Variants in ARHGAP4 observed in about 807,000 individuals in gnomAD.
ARHGAP4 encodes rho GTPase-activating protein 4.
ARHGAP4 carries 25 observed loss-of-function variants against 67.6 expected under a neutral mutation model. That is an observed-to-expected ratio of 0.37 (90% CI 0.27 to 0.52). The LOEUF (loss-of-function observed/expected upper bound fraction) is 0.52, where lower values mean the gene tolerates loss of function less well. Among genes scored for constraint, ARHGAP4 ranks in the 20% least tolerant of loss-of-function variants. The pLI is 0.92. For missense variants in ARHGAP4, 804 were observed against 854.6 expected, an observed-to-expected ratio of 0.94 and a Z score of 0.74; for synonymous variants, 448 against 373.7, an observed-to-expected ratio of 1.20 and a Z score of -2.29.
chrX:153,907,726 A>G lies in ARHGAP4; in HGVS notation c.*3T>C. 1.0e-6 allele frequency: 1 copy of G among 962,437 alleles called. No individual in the cohort carries two copies. The highest frequency in any genetic ancestry group is 3.3e-4 in the Middle Eastern group (1 of 3,072). 79.3% of individuals were successfully genotyped at this position (962,437 alleles called of 1,213,427 possible). Reference sequence around the variant, plus strand: ...GGGGGCACGCATCTCCAGCAGCGGCACCTCAGTGTGGCTTGGGGGTCGTGT... The same window carrying G: ...GGGGGCACGCATCTCCAGCAGCGGCGCCTCAGTGTGGCTTGGGGGTCGTGT... On this transcript the variant is annotated 3_prime_UTR_variant, in exon 22 of 22. Coordinates refer to ENST00000350060, the MANE Select transcript of ARHGAP4 (RefSeq NM_001666.5).
Position 153,910,712 on chromosome X carries a change from G to A in ARHGAP4, c.1804C>T (p.Leu602=). The stretch of plus-strand genomic sequence containing the variant: ...GCCCCAGCCTCACCCGAAGAAGCCA[G>A]CAGCTCGCCGAACAGGTCTGGGGGG... ...LFPPDLFGEL[L]ASSELEATAE... The change falls in exon 15 of 22, where the codon CTG becomes TTG. Residue 602 remains leucine (L), a synonymous_variant. Coordinates refer to ENST00000350060, the MANE Select transcript of ARHGAP4 (RefSeq NM_001666.5). 2 of 1,194,209 alleles carry A rather than the reference G, an allele frequency of 1.7e-6. No homozygotes were observed. The highest frequency in any genetic ancestry group is 2.3e-6 in the Non-Finnish European group (2 of 886,412).
intron 1 of ARHGAP4, among the ~76,000 whole-genome samples, chrX:153,924,487 A>C (rs782064116): frequency 9.0e-6 from 1 of 111,586 alleles, no homozygotes; most frequent in African/African-American, 3.3e-5. Context: ...CCTTCTTGGC[A>C]CCGTGCACTT....
chrX:153,922,106 C>A lies in ARHGAP4; in HGVS notation c.68-297G>T, dbSNP rs2148527799. On this transcript the variant is annotated intron_variant, in intron 1 of 21. Coordinates refer to ENST00000350060, the MANE Select transcript of ARHGAP4 (RefSeq NM_001666.5). The stretch of plus-strand genomic sequence containing the variant: ...GTCCCAGAGAGAGGGGAGAGCCGCC[C>A]CAGCGCCAGCCAGGCACCTTTCAGT... The A allele has an allele frequency of 7.4e-6, 7 of 949,003 alleles. No homozygotes were observed. The East Asian group carries it at 2.2e-4, about 30-fold the overall frequency. The allele number at this position is 949,003 out of a possible 1,213,427, so 78.2% of individuals were successfully genotyped here.
chrX:153,921,314 C>T, intron 3 of ARHGAP4, 51 bp downstream of exon 3: 1 of 1,207,528 alleles, frequency 8.3e-7, no homozygotes, highest in Non-Finnish European at 1.1e-6. Flanking sequence ...CACAGTGCCT[C>T]CTGATCCCAA....
At chrX:153,916,368 T>G (rs1330832239) in intron 7 of ARHGAP4, among the ~76,000 whole-genome samples, 2 of 112,859 alleles carry the variant, frequency 1.8e-5, no homozygotes, top group Non-Finnish European at 3.8e-5. Flanking sequence ...TCCACTACCC[T>G]CTCACTGAGA....
At position 153,910,075 on chromosome X, in the gene ARHGAP4, G is replaced by A; in HGVS notation, c.2167C>T (p.Leu723=). The A allele has an allele frequency of 8.3e-7, 1 of 1,211,420 alleles. No individual in the cohort carries two copies. The highest frequency in any genetic ancestry group is 1.7e-5 in the African/African-American group (1 of 57,954). ...PSASCLGDAQ[L]ESLGADNEPE... ...TCATTGTCCGCCCCCAGGCTCTCCA[G>A]CTGGGCGTCCCTGAGGTTCAGGGCA... is the stretch of plus-strand genomic sequence containing the variant. Residue 723 remains leucine (L), a synonymous_variant, in exon 18 of 22, where the codon CTG becomes TTG. Coordinates refer to ENST00000350060, the MANE Select transcript of ARHGAP4 (RefSeq NM_001666.5).
chrX:153,909,259 G>A (rs1603283624), intron 20 of ARHGAP4, 90 bp from the exon 21 acceptor site: 8 of 957,477 alleles, frequency 8.4e-6, no homozygotes, highest in African/African-American at 7.7e-5. Flanking sequence ...GTGTGGCCAA[G>A]GAAAGGAGGC....
In ARHGAP4 at chrX:153,909,902, A is replaced by T. The variant is rs782037202; in HGVS notation, c.2253T>A (p.Ala751=). The T allele has an allele frequency of 4.0e-5, 48 of 1,203,314 alleles. No individual in the cohort carries two copies. The highest frequency in any genetic ancestry group is 7.8e-6 in the Non-Finnish European group (7 of 892,294). The change falls in exon 19 of 22, where the codon GCT becomes GCA. Residue 751 remains alanine (A), a synonymous_variant. Coordinates refer to ENST00000350060, the MANE Select transcript of ARHGAP4 (RefSeq NM_001666.5). ...QEDDLEGVVE[A]VACFAYTGRT... is the part of the protein sequence containing the mutation. The stretch of plus-strand genomic sequence containing the variant: ...GGCCCGTGTAGGCAAAGCAGGCCAC[A>T]GCCTCCACGACCCCCTCCAGGTCTG...
chrX:153,916,788 A>G (rs2065058183), intron 7 of ARHGAP4, among the ~76,000 whole-genome samples: 1 of 113,145 alleles, frequency 8.8e-6, no homozygotes, highest in Non-Finnish European at 1.9e-5. Context: ...AAAACAAAAA[A>G]CATTTCAGGC....
Position 153,921,446 on chromosome X carries a change from C to T in ARHGAP4, c.354G>A (p.Ala118=), listed in dbSNP as rs782607031. Reference sequence around the variant, plus strand: ...GCCCGGCCAGCACCTCACTCAGGGCCGCGCTCTCCCGGCTCTGCTGCCGCG... The same window carrying T: ...GCCCGGCCAGCACCTCACTCAGGGCTGCGCTCTCCCGGCTCTGCTGCCGCG... ...QHTRQQSRES[A]ALSEVLAGPL... Residue 118 remains alanine (A), a synonymous_variant, in exon 3 of 22, where the codon GCG becomes GCA. Coordinates refer to ENST00000350060, the MANE Select transcript of ARHGAP4 (RefSeq NM_001666.5). 41 of 1,205,200 alleles carry T rather than the reference C, an allele frequency of 3.4e-5. No individual in the cohort carries two copies. The highest frequency in any genetic ancestry group is 4.3e-5 in the Non-Finnish European group (38 of 893,228).
chrX:153,919,785 T>A (rs1219780279), intron 5 of ARHGAP4: 4 of 841,770 alleles, frequency 4.8e-6, no homozygotes, highest in South Asian at 4.1e-5. Flanking sequence ...CACTCTATTT[T>A]TTTTTTATTT....
chrX:153,908,214 C>A (rs1184991332), intron 21 of ARHGAP4, among the ~76,000 whole-genome samples: 1 of 112,032 alleles, frequency 8.9e-6, no homozygotes, highest in Admixed American at 9.4e-5. Context: ...CTCTTCTCGC[C>A]CCCACTCTTT....
At chrX:153,915,193 G>A (rs367774478) in intron 7 of ARHGAP4, among the ~76,000 whole-genome samples, 3 of 90,925 alleles carry the variant, frequency 3.3e-5, no homozygotes, top group Non-Finnish European at 2.1e-5. Flanking sequence ...CGTGAACTCT[G>A]TAGAGACGGA....
chrX:153,924,624 T>C (rs1217224085), intron 1 of ARHGAP4, among the ~76,000 whole-genome samples: 3 of 111,919 alleles, frequency 2.7e-5, no homozygotes, highest in African/African-American at 6.5e-5. Flanking sequence ...CATTGAATCA[T>C]TGCTTTTACT....
chrX:153,910,083 T>A lies in ARHGAP4; in HGVS notation c.2159A>T (p.Asp720Val). 1 of 1,211,007 alleles carries A rather than the reference T, an allele frequency of 8.3e-7. No individual in the cohort carries two copies. The highest frequency in any genetic ancestry group is 1.1e-6 in the Non-Finnish European group (1 of 895,305). ...CGCCCCCAGGCTCTCCAGCTGGGCG[T>A]CCCTGAGGTTCAGGGCAGAGCGAGG... is the stretch of plus-strand genomic sequence containing the variant. Reference protein sequence around the residue: ...MAPPSASCLGDAQLESLGADN... With the variant: ...MAPPSASCLGVAQLESLGADN... Residue 720 changes from aspartate to valine, a missense_variant and splice_region_variant, in exon 18 of 22, where the codon GAC (aspartate) becomes GTC (valine). Transcript: ENST00000350060.
rs782788722 is a variant in ARHGAP4, at chrX:153,913,014, G to A, written c.1439+10C>T. 27 of 1,196,960 alleles carry A rather than the reference G, an allele frequency of 2.3e-5. No homozygotes were observed. Among genetic ancestry groups the A allele is most frequent in the East Asian group, 3.0e-5 (1 of 33,260 alleles). On this transcript the variant is annotated intron_variant, in intron 11 of 21. Transcript: ENST00000350060. ...CCGTCGCAGGGCCCCAGCCCTCAGG[G>A]AGGACTCACCAAGACACCTCCTGCT...
rs1603287037 is a variant in ARHGAP4 at position 153,919,472 on chromosome X, C to T, written c.682-189G>A. Reference sequence around the variant, plus strand: ...TGCTCAGCCCAGTGCCAGGAGGTGACTTGATTCCCCGGCTGTTCACCCGCC... The same window carrying T: ...TGCTCAGCCCAGTGCCAGGAGGTGATTTGATTCCCCGGCTGTTCACCCGCC... On this transcript the variant is annotated intron_variant, in intron 5 of 21. Transcript: ENST00000350060. The T allele has an allele frequency of 4.1e-5, 46 of 1,114,478 alleles. No homozygotes were observed. In the South Asian group the frequency reaches 9.6e-4, roughly 23 times the overall value. 91.8% of individuals were successfully genotyped at this position (1,114,478 alleles called of 1,213,427 possible). A position where few individuals can be genotyped will look rare whatever the true frequency, so the allele number is the denominator to read the frequency against.
chrX:153,910,889 G>T, intron 14 of ARHGAP4, 33 bp downstream of exon 14: 2 of 1,147,362 alleles, frequency 1.7e-6, no homozygotes, highest in Non-Finnish European at 2.3e-6. Context: ...ATCTGCCCGA[G>T]CCCCCACCCC....
At chrX:153,921,975 G>C (rs782353624) in intron 1 of ARHGAP4, 166 bp from the exon 2 acceptor site, 2 of 830,263 alleles carry the variant, frequency 2.4e-6, no homozygotes, top group Admixed American at 7.7e-5. Context: ...GGGGAGGAAA[G>C]AAGCTAGGCC....
Sources: gnomAD v4.1 joint callset for allele counts (sites outside exome capture counted in the v4.1 genomes callset) on GRCh38, gnomAD v4.1.1 for gene constraint, MANE v1.5 for transcripts, NCBI Gene and HGNC (gene_info 2026-07-23, HGNC 2026-07-21) for gene names.